Variants in GATM observed in about 807,000 individuals in gnomAD.
GATM encodes the protein glycine amidinotransferase, mitochondrial.
Under a neutral mutation model 54.2 loss-of-function variants are expected in GATM, and 23 were observed. The observed-to-expected ratio is 0.42, with a 90% confidence interval of 0.31 to 0.60. The LOEUF is 0.60. Among genes scored for constraint, GATM ranks in the 20% least tolerant of loss-of-function variants. The pLI, the probability that GATM is intolerant of heterozygous loss-of-function variation, is 0.14. For synonymous variants in GATM, 168 were observed against 183.1 expected (o/e 0.92, Z 0.67); for missense variants, 401 against 544.9 (o/e 0.74, Z 2.63).
chr15:45,377,432 TTACAGATG>T (rs1889657903), intron 1 of GATM: 1 of 375,098 alleles, frequency 2.7e-6, no homozygotes, highest in Non-Finnish European at 5.1e-6. Flanking sequence ...CTGCTCCATT[TTACAGATG>T]GTCCACAGTA....
intron 3 of GATM, among the ~76,000 whole-genome samples, chr15:45,390,790 G>A (rs1889863766): frequency 6.6e-6 from 1 of 151,994 alleles, no homozygotes; most frequent in Non-Finnish European, 1.5e-5. Context: ...GTGAAATACA[G>A]TGCCTTTATT....
At chr15:45,388,323 TG>T (rs1266852088) in intron 3 of GATM, among the ~76,000 whole-genome samples, 1 of 152,254 alleles carries the variant, frequency 6.6e-6, no homozygotes, top group Non-Finnish European at 1.5e-5. Flanking sequence ...ACAGAGTTCC[TG>T]TACACCCATC....
chr15:45,381,009 C>A (rs575238146), upstream of GATM, among the ~76,000 whole-genome samples: 1 of 152,240 alleles, frequency 6.6e-6, no homozygotes, highest in Admixed American at 6.5e-5. Flanking sequence ...TCTAGAGTGA[C>A]CTCATCAATT....
rs530917866 is a variant in GATM, at chr15:45,368,318, A to T, written c.485-58T>A. ...GTAGTGTTAATTTCCAAGACAAAAA[A>T]GGTCTATATAGGGCCAGGCACAGTG... On this transcript the variant is annotated intron_variant, in intron 3 of 8. Transcript: ENST00000396659. The surrounding 1 kb of genome is among the most constrained non-coding windows in gnomAD (Gnocchi z 5.1). 1 of 1,468,434 alleles carries T rather than the reference A, an allele frequency of 6.8e-7. No individual in the cohort carries two copies. Among genetic ancestry groups the T allele is most frequent in the Non-Finnish European group, 9.5e-7 (1 of 1,056,230 alleles). 91.0% of individuals were successfully genotyped at this position (1,468,434 alleles called of 1,614,324 possible).
chr15:45,364,996 A>C, intron 6 of GATM, 136 bp from the exon 7 acceptor site: 1 of 716,990 alleles, frequency 1.4e-6, no homozygotes, highest in African/African-American at 1.8e-5. Flanking sequence ...AGAAATTAAA[A>C]TTTCTAAACA....
chr15:45,378,347 G>C, intron 1 of GATM, 38 bp downstream of exon 1: 2 of 1,483,814 alleles, frequency 1.3e-6, no homozygotes, highest in East Asian at 2.7e-5. Context: ...GATCGAGTGA[G>C]TCACGCGGCC....
At position 45,377,605 on chromosome 15, in the gene GATM, T is replaced by C. The variant is rs916422275; in HGVS notation, c.69+780A>G. On this transcript the variant is annotated intron_variant, in intron 1 of 8. Coordinates refer to ENST00000396659, the MANE Select transcript of GATM (RefSeq NM_001482.3). ...AGCAAACCTCAACCCCCCAAATCTC[T>C]ATCCTGCTCTGTTAAAAGCCTTAGG... 1.7e-5 allele frequency: 4 copies of C among 241,766 alleles called. No homozygotes were observed. In the East Asian group the frequency reaches 4.6e-4, roughly 28 times the overall value. 15.0% of individuals were successfully genotyped at this position (241,766 alleles called of 1,614,324 possible). A position where few individuals can be genotyped will look rare whatever the true frequency, so the allele number is the denominator to read the frequency against.
intron 6 of GATM, 141 bp downstream of exon 6, chr15:45,365,905 T>C (rs1225934720): frequency 1.2e-5 from 9 of 769,634 alleles, no homozygotes; most frequent in Non-Finnish European, 1.6e-5. Context: ...AGGAATCCAA[T>C]GTTTGATCAT....
At position 45,366,325 on chromosome 15, in the gene GATM, G is replaced by T. The variant is rs150282769; in HGVS notation, c.813+46C>A. The T allele has an allele frequency of 8.7e-6, 14 of 1,612,188 alleles. No homozygotes were observed. The South Asian group carries it at 9.9e-5, about 11-fold the overall frequency. ...GAAAATATTTTAATTTGGAAGTAAA[G>T]AATACAATAATATAGTGTGAAATTT... On this transcript the variant is annotated intron_variant, in intron 5 of 8. Transcript: ENST00000396659.
rs1179527944 is a variant in GATM, at chr15:45,378,263, A to C, written c.69+122T>G. ...ATACCAGAAGGGACACTCTCGTGCA[A>C]TTCCGGCTAGGGAAAGCGAGGGAAG... On this transcript the variant is annotated intron_variant, in intron 1 of 8. Coordinates refer to ENST00000396659, the MANE Select transcript of GATM (RefSeq NM_001482.3). 7 of 734,800 alleles carry C rather than the reference A, an allele frequency of 9.5e-6. No individual in the cohort carries two copies. In the South Asian group the frequency reaches 1.0e-4, roughly 11 times the overall value. 45.5% of individuals were successfully genotyped at this position (734,800 alleles called of 1,614,324 possible).
At chr15:45,397,106 ATATG>A (rs1234998498) in intron 2 of GATM, 1 of 151,394 alleles carries the variant, frequency 6.6e-6, no homozygotes, top group Non-Finnish European at 1.5e-5. Context: ...AGAAATATAT[ATATG>A]GTCTCTGCCT....
chr15:45,379,759 A>T (rs12441971), upstream of GATM: 48,680 of 152,096 alleles, frequency 0.32, 8,882 homozygotes, highest in East Asian at 0.83. Flanking sequence ...AGGCCGAGGC[A>T]GGCGGATTGC....
chr15:45,377,475 C>T (rs1246680943), intron 1 of GATM: 3 of 344,996 alleles, frequency 8.7e-6, no homozygotes, highest in African/African-American at 4.3e-5. Flanking sequence ...AGGATTAGCT[C>T]AGGCGTAAAT....
At chr15:45,367,977 T>A in intron 4 of GATM, 93 bp downstream of exon 4, 4 of 1,077,680 alleles carry the variant, frequency 3.7e-6, no homozygotes, top group Non-Finnish European at 5.5e-6. Context: ...CTAAAATGCA[T>A]AATATATACA....
intron 8 of GATM, among the ~76,000 whole-genome samples, chr15:45,362,928 C>G (rs1018192676): frequency 6.6e-6 from 1 of 152,156 alleles, no homozygotes; most frequent in Middle Eastern, 3.2e-3. Context: ...GGATAGGCTA[C>G]AAAGTCACTA....
chr15:45,365,998 T>C, intron 6 of GATM, 48 bp downstream of exon 6: 1 of 1,577,828 alleles, frequency 6.3e-7, no homozygotes, highest in South Asian at 1.1e-5. Flanking sequence ...GCAATTATTT[T>C]AGTTACTAGA....
At chr15:45,374,449 G>A (rs1279409843) in intron 2 of GATM, among the ~76,000 whole-genome samples, 4 of 152,180 alleles carry the variant, frequency 2.6e-5, no homozygotes, top group Non-Finnish European at 5.9e-5. Context: ...TAGGGGATGG[G>A]ACTTTTCAAG....
intron 8 of GATM, among the ~76,000 whole-genome samples, chr15:45,363,116 T>C (rs1336434356): frequency 6.6e-6 from 1 of 152,028 alleles, no homozygotes; most frequent in Non-Finnish European, 1.5e-5. Flanking sequence ...CTACTAAAAA[T>C]ACAAAATTAG....
rs554310321 is a variant in GATM, at chr15:45,400,780, C to T, written c.-530+1159G>A. ...GTAAATATAAGTAAATCTACTAACT[C>T]TTTTACATGAGATCCCTTTACATAT... On this transcript the variant is annotated intron_variant, in intron 1 of 4. Transcript: ENST00000561148. 1.2e-4 allele frequency among the ~76,000 whole-genome samples: 19 copies of T among 152,316 alleles called. No individual in the cohort carries two copies. In the South Asian group the frequency reaches 3.9e-3, roughly 32 times the overall value.
Sources: gnomAD v4.1 joint callset for allele counts (sites outside exome capture counted in the v4.1 genomes callset) on GRCh38, gnomAD v4.1.1 for gene constraint, Gnocchi (gnomAD v3.1) non-coding constraint, MANE v1.5 for transcripts, NCBI Gene and HGNC (gene_info 2026-07-23, HGNC 2026-07-21) for gene names.